The following FSD1L variants were observed in gnomAD, a reference collection of about 807,000 sequenced individuals.
FSD1L encodes the protein FSD1-like protein.
In FSD1L, 45 loss-of-function variants were observed where a neutral mutation model predicts 71.6. The ratio of observed to expected loss-of-function variants is 0.63; its 90% CI spans 0.49 to 0.81. The LOEUF is 0.81. Among genes scored for constraint, FSD1L ranks in the 30% least tolerant of loss-of-function variants. The pLI is 0.00. For synonymous variants in FSD1L, 197 were observed against 207.2 expected, an observed-to-expected ratio of 0.95 and a Z score of 0.42; for missense variants, 561 against 618.1, an observed-to-expected ratio of 0.91 and a Z score of 0.98.
chr9:105,545,825 C>G (rs1009558969), intron 13 of FSD1L, among the ~76,000 whole-genome samples: 1 of 152,038 alleles, frequency 6.6e-6, no homozygotes, highest in African/African-American at 2.4e-5. Flanking sequence ...GGAAGTACAT[C>G]TGGATATTGG....
intron 10 of FSD1L, among the ~76,000 whole-genome samples, chr9:105,533,416 C>CTTTTTTTTTTTTTTTTTTTTTTT (rs754896606): frequency 0.01 from 301 of 29,072 alleles, 118 homozygotes; most frequent in South Asian, 0.017. Context: ...CCATTTCCAT[C>CTTTTTTTTTTTTTTTTTTTTTTT]TTTTTTTTTT....
At position 105,548,194 on chromosome 9, in the gene FSD1L, A is replaced by T. The variant is rs965172274; in HGVS notation, c.*1711A>T. ...CAATAGATACTCTTTTGATTCTCCA[A>T]AGAAATATAATTTTGGTTTTTGTTC... On this transcript the variant is annotated 3_prime_UTR_variant, in exon 14 of 14. Transcript: ENST00000481272. 1 of 152,118 alleles carries T rather than the reference A, an allele frequency of 6.6e-6. No homozygotes were observed. The highest frequency in any genetic ancestry group is 1.5e-5 in the Non-Finnish European group (1 of 67,978). 9.4% of individuals were successfully genotyped at this position (152,118 alleles called of 1,614,324 possible).
At chr9:105,449,851 A>G (rs1465964186) in intron 1 of FSD1L, among the ~76,000 whole-genome samples, 1 of 152,176 alleles carries the variant, frequency 6.6e-6, no homozygotes. Flanking sequence ...CTCATTTCGA[A>G]TGATGTGTTA....
At chr9:105,488,118 T>C (rs1832674979) in intron 7 of FSD1L, among the ~76,000 whole-genome samples, 1 of 152,182 alleles carries the variant, frequency 6.6e-6, no homozygotes, top group Non-Finnish European at 1.5e-5. Context: ...GGCATGTATC[T>C]GCCATTGTAT....
Position 105,546,624 on chromosome 9 carries a change from C to A in FSD1L, c.*141C>A. ...GCCTGGAATCTTTTATCATTAAACA[C>A]CTAGTACGAAGCATTTGCAGGAACC... On this transcript the variant is annotated 3_prime_UTR_variant, in exon 14 of 14. Transcript: ENST00000481272. 3 of 742,698 alleles carry A rather than the reference C, an allele frequency of 4.0e-6. No individual in the cohort carries two copies. Among genetic ancestry groups the A allele is most frequent in the Non-Finnish European group, 6.0e-6 (3 of 499,828 alleles). 46.0% of individuals were successfully genotyped at this position (742,698 alleles called of 1,614,324 possible).
intron 10 of FSD1L, among the ~76,000 whole-genome samples, chr9:105,528,971 A>G (rs1046687571): frequency 2.6e-5 from 4 of 152,276 alleles, no homozygotes; most frequent in African/African-American, 7.2e-5. Context: ...GGCAAAGGAT[A>G]TGAACAGACA....
Position 105,506,579 on chromosome 9 carries a change from ATAT to A in FSD1L, c.770_772del (p.Ile257del). Reference sequence around the variant, plus strand: ...GAGCGATGCTGGGAGATAATTGATAATATTAAGGGTACTGAATATACACTATCA... The same window carrying A: ...GAGCGATGCTGGGAGATAATTGATAATAAGGGTACTGAATATACACTATCA... On this transcript the variant is annotated inframe_deletion, in exon 8 of 14. Transcript: ENST00000481272. 6.4e-7 allele frequency: 1 copy of A among 1,550,404 alleles called. No homozygotes were observed. The highest frequency in any genetic ancestry group is 8.7e-7 in the Non-Finnish European group (1 of 1,145,952).
At chr9:105,479,165 A>C (rs578132111) in intron 5 of FSD1L, among the ~76,000 whole-genome samples, 189 bp from the exon 6 acceptor site, 5 of 152,366 alleles carry the variant, frequency 3.3e-5, no homozygotes, top group East Asian at 1.9e-4. Flanking sequence ...ATTTTCTACT[A>C]TAATTCTAAC....
At chr9:105,456,153 C>T (rs978487388) in intron 1 of FSD1L, among the ~76,000 whole-genome samples, 4 of 152,136 alleles carry the variant, frequency 2.6e-5, no homozygotes, top group African/African-American at 9.7e-5. Context: ...TGCCTTTAGC[C>T]GTTCTGACCT....
At chr9:105,541,311 G>A (rs1366713399) in intron 13 of FSD1L, among the ~76,000 whole-genome samples, 2 of 129,008 alleles carry the variant, frequency 1.6e-5, no homozygotes, top group African/African-American at 5.8e-5. Flanking sequence ...TTTTAACTTT[G>A]TACAAACCTC....
At chr9:105,492,176 G>A (rs1341358908) in intron 7 of FSD1L, among the ~76,000 whole-genome samples, 3 of 152,076 alleles carry the variant, frequency 2.0e-5, no homozygotes, top group Non-Finnish European at 4.4e-5. Context: ...CAATTTCAGA[G>A]CCTGTTATTG....
rs1345874159 is a variant in FSD1L, at chr9:105,512,826, T to C, written c.915T>C (p.Asp305=). 3 of 1,512,468 alleles carry C rather than the reference T, an allele frequency of 2.0e-6. No individual in the cohort carries two copies. The South Asian group carries it at 3.9e-5, about 20-fold the overall frequency. 93.7% of individuals were successfully genotyped at this position (1,512,468 alleles called of 1,614,324 possible). The change falls in exon 10 of 14, where the codon GAT becomes GAC. Residue 305 remains aspartate (D), a synonymous_variant. Coordinates refer to ENST00000481272, the MANE Select transcript of FSD1L (RefSeq NM_001145313.3). ...GAATAGCACTTAACTTCAATTTGGA[T>C]AACTCCTCATCCCATTTGAACCTGA... ...LETKALNFNL[D]NSSSHLNLKV... is the part of the protein sequence containing the mutation.
At chr9:105,526,748 A>G (rs1308594423) in intron 10 of FSD1L, among the ~76,000 whole-genome samples, 2 of 152,118 alleles carry the variant, frequency 1.3e-5, no homozygotes, top group African/African-American at 2.4e-5. Flanking sequence ...CCAAGCTGCC[A>G]TATTTTGAGG....
rs552688907 is a variant in FSD1L, at chr9:105,524,592, A to G, written c.1026-9901A>G. The G allele has an allele frequency of 6.9e-5, 112 of 1,613,906 alleles. No individual in the cohort carries two copies. The African/African-American group carries it at 9.2e-4, about 13-fold the overall frequency. ...TGGAGCTCAGTGTTTTAGCAATCCA[A>G]GGTATTTTCCCATGAGCCTCTCTGA... is the stretch of plus-strand genomic sequence containing the variant. On this transcript the variant is annotated intron_variant, in intron 10 of 13. Transcript: ENST00000481272.
At chr9:105,473,452 A>C (rs1020617465) in intron 5 of FSD1L, 2 of 152,252 alleles carry the variant, frequency 1.3e-5, no homozygotes, top group Non-Finnish European at 2.9e-5. Flanking sequence ...GTTCATGGAC[A>C]AGAGTTAATG....
At chr9:105,489,053 A>C (rs1832743575) in intron 7 of FSD1L, among the ~76,000 whole-genome samples, 1 of 152,146 alleles carries the variant, frequency 6.6e-6, no homozygotes, top group Admixed American at 6.6e-5. Flanking sequence ...TGAGAAAAGC[A>C]TTAAGATTAA....
rs1834477250 is a variant in FSD1L, at chr9:105,512,880, T to A, written c.969T>A (p.Asp323Glu). Residue 323 changes from aspartate to glutamate, a missense_variant, in exon 10 of 14, where the codon GAT (aspartate) becomes GAA (glutamate). Asp to Glu is a conservative substitution (Grantham distance 45, BLOSUM62 2). Around this residue, in one of 3 missense-constraint regions of FSD1L, gnomAD observed 410 missense variants for 413.5 expected, o/e 0.99. Transcript: ENST00000481272. ...LKVEDTCVEW[D>E]PTGGKGQESK... ...TTGAAGATACATGTGTAGAGTGGGA[T>A]CCTACTGGAGGAAAAGGTCAAGAAA... is the stretch of plus-strand genomic sequence containing the variant. 2.6e-6 allele frequency: 4 copies of A among 1,542,700 alleles called. No homozygotes were observed. Among genetic ancestry groups the A allele is most frequent in the South Asian group, 1.2e-5 (1 of 82,434 alleles).
chr9:105,471,913 A>G lies in FSD1L; in HGVS notation c.349A>G (p.Ser117Gly). 2.5e-6 allele frequency: 3 copies of G among 1,207,674 alleles called. No homozygotes were observed. The highest frequency in any genetic ancestry group is 3.3e-6 in the Non-Finnish European group (3 of 916,544). The allele number at this position is 1,207,674 out of a possible 1,614,324, so 74.8% of individuals were successfully genotyped here. The part of the protein sequence containing the change: ...RKSQELQSQI[S>G]QCNNALENSE... ...TTTTTTTTTTCCCTAGAGTCAGATT[A>G]GTCAATGTAATAATGCCCTGGAGAA... is the stretch of plus-strand genomic sequence containing the variant. The change falls in exon 5 of 14, where the codon AGT becomes GGT. Residue 117 changes from serine to glycine, a missense_variant. Physicochemically the swap from Ser to Gly is moderately conservative, Grantham distance 56. Transcript: ENST00000481272.
Position 105,525,453 on chromosome 9 carries a change from T to G in FSD1L, c.1026-9040T>G, listed in dbSNP as rs930539115. ...AGCAACATACAGAAGAAAAAGAATT[T>G]GTTGAGAAGCACTTTAATGACTTAA... On this transcript the variant is annotated intron_variant, in intron 10 of 13. Transcript: ENST00000481272. The G allele has an allele frequency of 6.8e-6, 11 of 1,607,810 alleles. 1 individual carries two copies. In the South Asian group the frequency reaches 1.2e-4, roughly 18 times the overall value.
Sources: allele counts gnomAD v4.1 joint callset (sites outside exome capture counted in the v4.1 genomes callset), GRCh38; gene constraint gnomAD v4.1.1; regional missense constraint gnomAD v4.1.1; transcripts MANE v1.5; gene names NCBI Gene and HGNC (gene_info 2026-07-23, HGNC 2026-07-21).